The following CLIP4 variants were observed in gnomAD, a reference collection of about 807,000 sequenced individuals.
CLIP4 encodes the protein CAP-Gly domain-containing linker protein 4.
CLIP4 carries 47 observed loss-of-function variants against 73.1 expected under a neutral mutation model. That is an observed-to-expected ratio of 0.64 (90% CI 0.51 to 0.82). CLIP4 has a LOEUF of 0.82. Among genes scored for constraint, CLIP4 ranks in the 40% least tolerant of loss-of-function variants. The pLI is 0.00. For synonymous variants in CLIP4, 306 were observed against 295.4 expected, an observed-to-expected ratio of 1.04 and a Z score of -0.37; for missense variants, 874 against 852.9, an observed-to-expected ratio of 1.02 and a Z score of -0.31.
At chr2:29,180,603 C>T (rs1346426730) in intron 15 of CLIP4, among the ~76,000 whole-genome samples, 3 of 152,162 alleles carry the variant, frequency 2.0e-5, no homozygotes, top group South Asian at 2.1e-4. Flanking sequence ...TGTAGATTTA[C>T]AGTTTTTAAA....
intron 8 of CLIP4, among the ~76,000 whole-genome samples, chr2:29,145,860 T>G (rs1486423860): frequency 6.6e-6 from 1 of 152,212 alleles, no homozygotes; most frequent in Non-Finnish European, 1.5e-5. Flanking sequence ...TGTTGTATTT[T>G]CAGTAGAGAC....
In CLIP4 at chr2:29,160,473, T is replaced by C; in HGVS notation, c.1534+6T>C. On this transcript the variant is annotated splice_donor_region_variant and intron_variant, in intron 12 of 15. Coordinates refer to ENST00000320081, the MANE Select transcript of CLIP4 (RefSeq NM_024692.6). ...GACAACAAACTTCGCTCCAGGTAAC[T>C]CATCTGCATATTTTCTTAACTTGAA... 1 of 1,613,464 alleles carries C rather than the reference T, an allele frequency of 6.2e-7. No homozygotes were observed.
At chr2:29,132,313 T>C in intron 4 of CLIP4, 68 bp downstream of exon 4, 1 of 1,287,106 alleles carries the variant, frequency 7.8e-7, no homozygotes. Flanking sequence ...TCTATATTTA[T>C]GCCCATATAT....
At chr2:29,175,786 G>C (rs1668291243) in intron 15 of CLIP4, among the ~76,000 whole-genome samples, 1 of 152,066 alleles carries the variant, frequency 6.6e-6, no homozygotes, top group African/African-American at 2.4e-5. Flanking sequence ...TTTTGAGACA[G>C]AGTCTTGCTC....
intron 12 of CLIP4, among the ~76,000 whole-genome samples, chr2:29,161,851 C>G (rs561901785): frequency 2.0e-5 from 3 of 152,130 alleles, no homozygotes; most frequent in Non-Finnish European, 4.4e-5. Context: ...TAGTCTAGAA[C>G]GAAAGTAGTC....
At chr2:29,169,504 T>A (rs1667865252) in intron 14 of CLIP4, among the ~76,000 whole-genome samples, 1 of 152,180 alleles carries the variant, frequency 6.6e-6, no homozygotes, top group Admixed American at 6.5e-5. Context: ...ATAGTCACAT[T>A]CTGAAATGCC....
At chr2:29,163,716 C>T in intron 12 of CLIP4, 115 bp from the exon 13 acceptor site, 1 of 927,882 alleles carries the variant, frequency 1.1e-6, no homozygotes. Flanking sequence ...CATGATCTTC[C>T]CTCATTTTGG....
chr2:29,137,976 G>A (rs566931059), intron 6 of CLIP4, among the ~76,000 whole-genome samples: 2 of 152,226 alleles, frequency 1.3e-5, no homozygotes, highest in East Asian at 3.9e-4. Flanking sequence ...TCTGTTGATA[G>A]TTTCTTTTGC....
chr2:29,179,205 T>C (rs1009686144), intron 15 of CLIP4, among the ~76,000 whole-genome samples: 4 of 152,262 alleles, frequency 2.6e-5, no homozygotes, highest in Non-Finnish European at 5.9e-5. Flanking sequence ...CACTCCTGAT[T>C]CAATGTTCCC....
rs539801586 is a variant in CLIP4 at position 29,122,607 on chromosome 2, A to G, written c.133+1086A>G. On this transcript the variant is annotated intron_variant, in intron 2 of 15. Transcript: ENST00000320081. ...GAATAAATACATTGAATGAAAGGTA[A>G]TAATGGATATTGACATTTTGCATAA... Among the ~76,000 whole-genome samples the G allele has an allele frequency of 2.0e-5, 3 of 152,268 alleles. No homozygotes were observed. In the South Asian group the frequency reaches 6.2e-4, roughly 32 times the overall value.
chr2:29,102,002 A>C (rs1208259168), intron 1 of CLIP4, among the ~76,000 whole-genome samples: 1 of 152,140 alleles, frequency 6.6e-6, no homozygotes, highest in Non-Finnish European at 1.5e-5. Flanking sequence ...GAGGTCATAA[A>C]TAGCAATATG....
intron 13 of CLIP4, 79 bp downstream of exon 13, chr2:29,164,033 T>G: frequency 1.7e-6 from 2 of 1,171,106 alleles, no homozygotes; most frequent in Non-Finnish European, 2.4e-6. Context: ...AATTTTATAT[T>G]AAAGATATGC....
chr2:29,108,864 A>C (rs72862311), intron 1 of CLIP4, among the ~76,000 whole-genome samples: 7,573 of 152,246 alleles, frequency 0.05, 558 homozygotes, highest in African/African-American at 0.16. Flanking sequence ...CCATTTGTCT[A>C]AGGAATATTT....
At chr2:29,133,616 T>G in intron 4 of CLIP4, 39 bp from the exon 5 acceptor site, 2 of 1,572,898 alleles carry the variant, frequency 1.3e-6, no homozygotes, top group South Asian at 1.2e-5. Flanking sequence ...GAACTTAAAA[T>G]TTGTACTAAA....
chr2:29,150,643 CTTTTTTTTTTTTT>C lies in CLIP4; in HGVS notation c.1022-2029_1022-2017del, dbSNP rs34553625. On this transcript the variant is annotated intron_variant, in intron 8 of 15. Transcript: ENST00000320081. ...CATAACTTAATTTTTTTGATTTGCT[CTTTTTTTTTTTTT>C]TTTTTTTTTTTTGAGACAGTCTCTC... Among the ~76,000 whole-genome samples the C allele has an allele frequency of 3.4e-3, 269 of 80,278 alleles. 1 individual carries two copies. The highest frequency in any genetic ancestry group is 0.011 in the African/African-American group (259 of 22,812). The allele number at this position is 80,278 out of a possible 152,430, so 52.7% of individuals were successfully genotyped here. A position where few individuals can be genotyped will look rare whatever the true frequency, so the allele number is the denominator to read the frequency against.
At chr2:29,148,988 A>C (rs1666359177) in intron 8 of CLIP4, among the ~76,000 whole-genome samples, 1 of 152,174 alleles carries the variant, frequency 6.6e-6, no homozygotes, top group Admixed American at 6.5e-5. Flanking sequence ...ATATTCTCTC[A>C]GTATATTTAA....
At chr2:29,171,476 C>G (rs1235816980) in intron 14 of CLIP4, among the ~76,000 whole-genome samples, 1 of 149,234 alleles carries the variant, frequency 6.7e-6, no homozygotes, top group South Asian at 2.1e-4. Flanking sequence ...TTTCTATGTT[C>G]TTATGTTTTT....
intron 8 of CLIP4, among the ~76,000 whole-genome samples, chr2:29,150,616 TAC>T (rs148654432): frequency 6.6e-4 from 99 of 149,820 alleles, no homozygotes; most frequent in African/African-American, 2.4e-3. Flanking sequence ...TGTAATCAAA[TAC>T]ATAACTTAAT....
At chr2:29,145,448 T>C in intron 8 of CLIP4, 81 bp downstream of exon 8, 2 of 1,196,920 alleles carry the variant, frequency 1.7e-6, no homozygotes, top group Non-Finnish European at 2.3e-6. Flanking sequence ...TAAATAAAAC[T>C]TTTCTCCTGA....
Sources: gnomAD v4.1 joint callset for allele counts (sites outside exome capture counted in the v4.1 genomes callset) on GRCh38, gnomAD v4.1.1 for gene constraint, MANE v1.5 for transcripts, NCBI Gene and HGNC (gene_info 2026-07-23, HGNC 2026-07-21) for gene names.